Variants in SNTG1 observed in about 807,000 individuals in gnomAD.
The protein encoded by SNTG1 is gamma-1-syntrophin.
A neutral mutation model predicts 74.7 loss-of-function variants in SNTG1; 39 were observed. That is an observed-to-expected ratio of 0.52 (90% CI 0.40 to 0.68). The LOEUF (loss-of-function observed/expected upper bound fraction) is 0.68, where lower values mean the gene tolerates loss of function less well. Among genes scored for constraint, SNTG1 ranks in the 30% least tolerant of loss-of-function variants. The pLI is 0.00. For synonymous variants in SNTG1, 254 were observed against 217.1 expected, an observed-to-expected ratio of 1.17 and a Z score of -1.49; for missense variants, 685 against 609.5, an observed-to-expected ratio of 1.12 and a Z score of -1.30.
intron 1 of SNTG1, among the ~76,000 whole-genome samples, chr8:49,926,088 G>T (rs1807000429): frequency 6.6e-6 from 1 of 152,040 alleles, no homozygotes; most frequent in African/African-American, 2.4e-5. Context: ...TTTACTGGTT[G>T]CCTTTTCTCT....
chr8:50,147,997 GT>G (rs2081930651), intron 1 of SNTG1, among the ~76,000 whole-genome samples: 1 of 152,098 alleles, frequency 6.6e-6, no homozygotes, highest in Non-Finnish European at 1.5e-5. Context: ...AAAAATAGAA[GT>G]TAAATAAAGA....
At chr8:50,475,224 T>C (rs977724150) in intron 8 of SNTG1, among the ~76,000 whole-genome samples, 1 of 147,542 alleles carries the variant, frequency 6.8e-6, no homozygotes, top group Admixed American at 6.7e-5. Context: ...ACTTAAAGTA[T>C]AATAATAATA....
At chr8:50,391,759 G>C (rs2092664570) in intron 2 of SNTG1, among the ~76,000 whole-genome samples, 1 of 152,034 alleles carries the variant, frequency 6.6e-6, no homozygotes, top group Non-Finnish European at 1.5e-5. Context: ...CCTGTTATTG[G>C]TCTATTCAGA....
chr8:50,290,837 T>C (rs1379701494), intron 2 of SNTG1, among the ~76,000 whole-genome samples: 1 of 152,210 alleles, frequency 6.6e-6, no homozygotes, highest in East Asian at 1.9e-4. Context: ...CAGGGCTCAC[T>C]GCAGCCTTGA....
intron 2 of SNTG1, among the ~76,000 whole-genome samples, chr8:50,269,396 G>T (rs181046866): frequency 6.6e-6 from 1 of 152,130 alleles, no homozygotes; most frequent in Non-Finnish European, 1.5e-5. Context: ...AGCAAAATTT[G>T]TTGATTTTAT....
At chr8:49,968,591 C>T (rs1811363558) in intron 1 of SNTG1, among the ~76,000 whole-genome samples, 2 of 152,162 alleles carry the variant, frequency 1.3e-5, no homozygotes, top group South Asian at 4.1e-4. Context: ...ATGCAAAAGA[C>T]ATCTCCTTAT....
chr8:50,785,592 A>C (rs1259243934), intron 18 of SNTG1, among the ~76,000 whole-genome samples: 1 of 152,080 alleles, frequency 6.6e-6, no homozygotes, highest in African/African-American at 2.4e-5. Context: ...CCATTAAACA[A>C]TGAAAAAACA....
At chr8:50,345,204 C>T (rs113446792) in intron 2 of SNTG1, among the ~76,000 whole-genome samples, 7,549 of 152,228 alleles carry the variant, frequency 0.05, 251 homozygotes, top group Non-Finnish European at 0.071. Context: ...TCTTCTGTAC[C>T]TTTTATACAA....
intron 1 of SNTG1, among the ~76,000 whole-genome samples, chr8:50,165,200 T>G (rs1266911279): frequency 6.6e-6 from 1 of 152,204 alleles, no homozygotes; most frequent in Non-Finnish European, 1.5e-5. Flanking sequence ...CTCGATTTAA[T>G]TAAGTGAGGT....
At chr8:50,604,489 C>T (rs79848595) in intron 13 of SNTG1, among the ~76,000 whole-genome samples, 6 of 152,040 alleles carry the variant, frequency 3.9e-5, no homozygotes, top group Non-Finnish European at 7.4e-5. Flanking sequence ...TAAGATGGAC[C>T]TCAAACTACA....
At chr8:50,261,588 A>G (rs1298750128) in intron 2 of SNTG1, among the ~76,000 whole-genome samples, 1 of 152,148 alleles carries the variant, frequency 6.6e-6, no homozygotes, top group African/African-American at 2.4e-5. Flanking sequence ...CCCAGTGGAT[A>G]TAATTTATGG....
intron 13 of SNTG1, among the ~76,000 whole-genome samples, chr8:50,625,888 A>G (rs1215702810): frequency 6.6e-6 from 1 of 152,194 alleles, no homozygotes; most frequent in Non-Finnish European, 1.5e-5. Context: ...ATAAGAGTAC[A>G]TATTTATTGA....
At chr8:50,502,665 G>T in intron 8 of SNTG1, 113 bp from the exon 9 acceptor site, 2 of 782,676 alleles carry the variant, frequency 2.6e-6, no homozygotes, top group South Asian at 4.1e-5. Flanking sequence ...AAATGTTTCT[G>T]AATACTAGGG....
chr8:50,211,076 G>A (rs898223282), intron 2 of SNTG1, among the ~76,000 whole-genome samples: 1 of 152,084 alleles, frequency 6.6e-6, no homozygotes, highest in Non-Finnish European at 1.5e-5. Flanking sequence ...GAATATGGGT[G>A]TTACAAATTC....
intron 18 of SNTG1, among the ~76,000 whole-genome samples, chr8:50,792,023 T>C (rs2095692112): frequency 6.6e-6 from 1 of 151,752 alleles, no homozygotes; most frequent in Non-Finnish European, 1.5e-5. Context: ...TTTCCTTTGG[T>C]ATTTAAATGA....
intron 1 of SNTG1, among the ~76,000 whole-genome samples, chr8:49,938,567 CTTTT>C (rs1808314887): frequency 3.5e-5 from 1 of 28,898 alleles, no homozygotes; most frequent in African/African-American, 1.0e-4. Context: ...GTTTTCTTTT[CTTTT>C]CTTTTCTTTT....
chr8:50,699,162 G>T (rs999936748), intron 15 of SNTG1, among the ~76,000 whole-genome samples: 1 of 151,578 alleles, frequency 6.6e-6, no homozygotes, highest in African/African-American at 2.4e-5. Flanking sequence ...TTTTAAAAAG[G>T]GTTCTGGGAA....
chr8:49,945,077 T>C (rs1030197361), intron 1 of SNTG1, among the ~76,000 whole-genome samples: 5 of 152,202 alleles, frequency 3.3e-5, no homozygotes, highest in Non-Finnish European at 7.3e-5. Context: ...TCCATTAAAA[T>C]ATTAAGCGCC....
At chr8:50,645,722 T>C (rs911918127) in intron 13 of SNTG1, among the ~76,000 whole-genome samples, 10 of 152,202 alleles carry the variant, frequency 6.6e-5, no homozygotes, top group African/African-American at 2.4e-4. Context: ...GGCTGCAACC[T>C]TTATGAGGTG....
Sources: allele counts gnomAD v4.1 joint callset (sites outside exome capture counted in the v4.1 genomes callset), GRCh38; gene constraint gnomAD v4.1.1; transcripts MANE v1.5; gene names NCBI Gene and HGNC (gene_info 2026-07-23, HGNC 2026-07-21).